PAK3: variants seen among roughly 807,000 people sequenced by gnomAD.
PAK3 encodes the protein serine/threonine-protein kinase PAK 3.
PAK3 carries 4 observed loss-of-function variants against 41.0 expected under a neutral mutation model. The ratio of observed to expected loss-of-function variants is 0.10; its 90% confidence interval spans 0.05 to 0.22. The LOEUF is 0.22. Ranked by LOEUF, PAK3 falls within the 10% of genes least tolerant of loss-of-function variation. PAK3 has a pLI of 1.00. For missense variants in PAK3, 205 were observed against 409.9 expected (o/e 0.50, Z 4.32); for synonymous variants, 146 against 139.6 (o/e 1.05, Z -0.32).
chrX:111,022,859 C>T (rs775926088), intron 1 of PAK3, among the ~76,000 whole-genome samples: 5 of 110,433 alleles, frequency 4.5e-5, no homozygotes, highest in South Asian at 3.9e-4. Context: ...TCCATGCAAA[C>T]GGACACCAGA....
At chrX:111,022,425 A>T (rs970214668) in intron 1 of PAK3, among the ~76,000 whole-genome samples, 1 of 111,977 alleles carries the variant, frequency 8.9e-6, no homozygotes, top group Admixed American at 9.5e-5. Flanking sequence ...ATCCAGAGCA[A>T]CTAAGCTTCA....
intron 1 of PAK3, among the ~76,000 whole-genome samples, chrX:111,068,618 T>G (rs187245962): frequency 8.9e-6 from 1 of 112,851 alleles, no homozygotes; most frequent in Admixed American, 9.3e-5. Flanking sequence ...TCTATCTTAC[T>G]GTGCTGTTTT....
chrX:111,096,909 C>A (rs964088253), intron 1 of PAK3, among the ~76,000 whole-genome samples: 2 of 109,078 alleles, frequency 1.8e-5, no homozygotes, highest in Admixed American at 9.7e-5. Flanking sequence ...CACACACACA[C>A]ACGAGGAAAG....
intron 6 of PAK3, among the ~76,000 whole-genome samples, chrX:111,144,244 G>T (rs1218027788): frequency 9.0e-6 from 1 of 111,676 alleles, no homozygotes; most frequent in Admixed American, 9.5e-5. Context: ...TCCCCAATTT[G>T]AAATAAGATA....
chrX:111,089,052 A>C (rs972149820), intron 1 of PAK3, among the ~76,000 whole-genome samples: 1 of 112,032 alleles, frequency 8.9e-6, no homozygotes. Context: ...CTCTTCAGCC[A>C]AGTTGGTAAA....
At chrX:110,981,745 T>G (rs1003217171) in intron 1 of PAK3, among the ~76,000 whole-genome samples, 38 of 111,615 alleles carry the variant, frequency 3.4e-4, no homozygotes, top group African/African-American at 1.2e-3. Flanking sequence ...AGACCCTAAG[T>G]AGAAGATTCA....
At chrX:110,976,495 T>C (rs2091332706) in intron 1 of PAK3, among the ~76,000 whole-genome samples, 1 of 112,184 alleles carries the variant, frequency 8.9e-6, no homozygotes, top group Non-Finnish European at 1.9e-5. Flanking sequence ...ATACGAACAC[T>C]TTTACACTGT....
At chrX:111,186,068 A>G (rs986554829) in intron 11 of PAK3, among the ~76,000 whole-genome samples, 2 of 111,440 alleles carry the variant, frequency 1.8e-5, no homozygotes, top group Non-Finnish European at 3.8e-5. Flanking sequence ...ACATGCAGAA[A>G]AGGCCTTCAG....
chrX:111,043,659 A>G (rs1367674932), intron 1 of PAK3, among the ~76,000 whole-genome samples: 2 of 112,336 alleles, frequency 1.8e-5, no homozygotes, highest in Non-Finnish European at 3.8e-5. Context: ...GAGAATCCTG[A>G]GGCATTGCTA....
intron 1 of PAK3, among the ~76,000 whole-genome samples, chrX:110,950,831 C>G (rs2090730488): frequency 9.0e-6 from 1 of 111,371 alleles, no homozygotes; most frequent in African/African-American, 3.3e-5. Context: ...AGTAAAGTTG[C>G]TGGTTTGGAG....
intron 7 of PAK3, among the ~76,000 whole-genome samples, chrX:111,148,843 C>T (rs993102998): frequency 4.5e-5 from 5 of 110,774 alleles, no homozygotes; most frequent in South Asian, 7.8e-4. Flanking sequence ...TCTGCCCCGG[C>T]CCCTCCAAAT....
chrX:111,166,645 G>T (rs2094258984), intron 10 of PAK3, among the ~76,000 whole-genome samples: 1 of 111,293 alleles, frequency 9.0e-6, no homozygotes, highest in East Asian at 2.9e-4. Context: ...ATTTTAAGGA[G>T]CTCATCCTAT....
At chrX:110,948,869 G>A (rs1031500786) in intron 1 of PAK3, among the ~76,000 whole-genome samples, 1 of 112,565 alleles carries the variant, frequency 8.9e-6, no homozygotes, top group African/African-American at 3.2e-5. Context: ...TGTAAAGCCA[G>A]AGTGAAGTTA....
chrX:111,169,763 T>C, intron 10 of PAK3, among the ~76,000 whole-genome samples: 1 of 112,030 alleles, frequency 8.9e-6, no homozygotes, highest in Middle Eastern at 4.6e-3. Flanking sequence ...GATACTGGCA[T>C]TGTAGAAGAG....
At chrX:111,142,312 C>G in intron 6 of PAK3, 116 bp downstream of exon 6, 1 of 557,629 alleles carries the variant, frequency 1.8e-6, no homozygotes. Context: ...TTGATGGTTC[C>G]AAATAAGATG....
chrX:111,159,187 T>C (rs1370045882), intron 8 of PAK3, among the ~76,000 whole-genome samples: 2 of 111,566 alleles, frequency 1.8e-5, no homozygotes, highest in Non-Finnish European at 3.8e-5. Flanking sequence ...TAAATCATTG[T>C]AAATACTCAA....
At chrX:111,144,836 C>T in intron 6 of PAK3, 1 of 988,544 alleles carries the variant, frequency 1.0e-6, no homozygotes, top group Non-Finnish European at 1.4e-6. Context: ...CTTTATATTG[C>T]CATTTTTGTC....
At chrX:111,156,989 A>G (rs1185108740) in intron 8 of PAK3, among the ~76,000 whole-genome samples, 1 of 112,277 alleles carries the variant, frequency 8.9e-6, no homozygotes, top group East Asian at 2.8e-4. Context: ...GTTTTGTCAT[A>G]TTGAACGTGC....
intron 4 of PAK3, among the ~76,000 whole-genome samples, chrX:111,111,602 C>A (rs2093372340): frequency 8.9e-6 from 1 of 112,008 alleles, no homozygotes; most frequent in Non-Finnish European, 1.9e-5. Context: ...GTTGCTAATA[C>A]AAGGGACTTC....
Sources: allele counts gnomAD v4.1 joint callset (sites outside exome capture counted in the v4.1 genomes callset), GRCh38; gene constraint gnomAD v4.1.1; transcripts MANE v1.5; gene names NCBI Gene and HGNC (gene_info 2026-07-23, HGNC 2026-07-21).